The following LUZP2 variants were observed in gnomAD, a reference collection of about 807,000 sequenced individuals.
LUZP2 encodes leucine zipper protein 2.
A neutral mutation model predicts 51.6 loss-of-function variants in LUZP2; 52 were observed. The observed-to-expected ratio is 1.01, with a 90% CI of 0.81 to 1.27. The LOEUF is 1.27. Among genes scored for constraint, LUZP2 ranks in the 50% most tolerant of loss-of-function variants. The pLI is 0.00. For synonymous variants in LUZP2, 154 were observed against 137.3 expected, an observed-to-expected ratio of 1.12 and a Z score of -0.85; for missense variants, 436 against 395.4, an observed-to-expected ratio of 1.10 and a Z score of -0.87.
intron 1 of LUZP2, among the ~76,000 whole-genome samples, chr11:24,725,674 G>T (rs143286988): frequency 8.8e-4 from 134 of 152,128 alleles, no homozygotes; most frequent in African/African-American, 3.1e-3. Context: ...AACCCAGAGT[G>T]GACAAGAATC....
intron 1 of LUZP2, among the ~76,000 whole-genome samples, chr11:24,500,511 A>T (rs1381248908): frequency 6.6e-6 from 1 of 152,212 alleles, no homozygotes; most frequent in Non-Finnish European, 1.5e-5. Flanking sequence ...TTCACTTCAG[A>T]AAGAAGCAGT....
At position 25,076,754 on chromosome 11, in the gene LUZP2, ATT is replaced by A. The variant is rs67176646; in HGVS notation, c.859-565_859-564del. On this transcript the variant is annotated intron_variant, in intron 10 of 11. Coordinates refer to ENST00000336930, the MANE Select transcript of LUZP2 (RefSeq NM_001009909.4). The stretch of plus-strand genomic sequence containing the variant: ...AATCCTTTTTTTTTTTTTTTAATTT[ATT>A]TTTTTTTTTCCATTGCTAACACTTC... Among the ~76,000 whole-genome samples the A allele has an allele frequency of 2.6e-4, 34 of 131,872 alleles. 1 individual carries two copies. The South Asian group carries it at 2.6e-3, about 10-fold the overall frequency. 86.5% of individuals were successfully genotyped at this position (131,872 alleles called of 152,430 possible). A position where few individuals can be genotyped will look rare whatever the true frequency, so the allele number is the denominator to read the frequency against.
At chr11:25,071,398 T>C (rs1859154523) in intron 10 of LUZP2, among the ~76,000 whole-genome samples, 1 of 150,094 alleles carries the variant, frequency 6.7e-6, no homozygotes, top group Admixed American at 6.6e-5. Context: ...AGTATAATAA[T>C]AATAAAATTA....
chr11:24,603,281 T>A (rs2133871148), intron 1 of LUZP2, among the ~76,000 whole-genome samples: 1 of 151,974 alleles, frequency 6.6e-6, no homozygotes, highest in East Asian at 1.9e-4. Flanking sequence ...CAATGTATTA[T>A]TTCAAAACTT....
chr11:24,991,075 C>A (rs1461019991), intron 9 of LUZP2, among the ~76,000 whole-genome samples: 1 of 152,038 alleles, frequency 6.6e-6, no homozygotes, highest in Non-Finnish European at 1.5e-5. Context: ...ATCAACAGAG[C>A]AGTATACACT....
chr11:25,011,911 T>A (rs1242905823), intron 9 of LUZP2, among the ~76,000 whole-genome samples: 1 of 151,842 alleles, frequency 6.6e-6, no homozygotes, highest in Non-Finnish European at 1.5e-5. Context: ...TATATTTTAA[T>A]AACCTTACCA....
chr11:24,838,697 A>G (rs1850933756), intron 5 of LUZP2, among the ~76,000 whole-genome samples: 1 of 151,678 alleles, frequency 6.6e-6, no homozygotes, highest in African/African-American at 2.4e-5. Flanking sequence ...CAGTTTAAGT[A>G]TGTATTTATT....
At chr11:24,882,795 A>G (rs1319620476) in intron 5 of LUZP2, among the ~76,000 whole-genome samples, 8 of 114,430 alleles carry the variant, frequency 7.0e-5, no homozygotes, top group African/African-American at 1.8e-4. Flanking sequence ...AGAAAGGAAG[A>G]AAGGAAGGAA....
intron 9 of LUZP2, among the ~76,000 whole-genome samples, chr11:25,012,940 C>T (rs1020836658): frequency 2.6e-5 from 4 of 152,196 alleles, no homozygotes; most frequent in African/African-American, 9.6e-5. Context: ...ATGCAGCACT[C>T]TTCACAATAG....
chr11:24,779,703 G>A (rs180675196), intron 5 of LUZP2, among the ~76,000 whole-genome samples: 197 of 152,184 alleles, frequency 1.3e-3, no homozygotes, highest in African/African-American at 4.5e-3. Flanking sequence ...AAACTTATAA[G>A]GCAAAAATAT....
At chr11:24,606,102 G>A (rs754856864) in intron 1 of LUZP2, among the ~76,000 whole-genome samples, 12 of 151,336 alleles carry the variant, frequency 7.9e-5, no homozygotes, top group African/African-American at 1.2e-4. Flanking sequence ...ATATTTATAC[G>A]TATATATGCA....
At chr11:24,885,673 G>A (rs745762101) in intron 5 of LUZP2, among the ~76,000 whole-genome samples, 1 of 152,054 alleles carries the variant, frequency 6.6e-6, no homozygotes, top group Non-Finnish European at 1.5e-5. Context: ...ATCATCTCAT[G>A]TTTCTCATGC....
intron 1 of LUZP2, among the ~76,000 whole-genome samples, chr11:24,529,501 AC>A (rs1461483914): frequency 2.0e-5 from 3 of 150,542 alleles, no homozygotes; most frequent in Non-Finnish European, 4.5e-5. Flanking sequence ...GAGTATAAAT[AC>A]AAATATTTAG....
chr11:25,072,543 C>G (rs965409912), intron 10 of LUZP2, among the ~76,000 whole-genome samples: 2 of 152,062 alleles, frequency 1.3e-5, no homozygotes, highest in Non-Finnish European at 2.9e-5. Flanking sequence ...TTTGTGGAAG[C>G]AAAAGTTACT....
At chr11:24,882,256 G>A (rs1202459912) in intron 5 of LUZP2, among the ~76,000 whole-genome samples, 8 of 151,922 alleles carry the variant, frequency 5.3e-5, no homozygotes, top group Middle Eastern at 3.2e-3. Context: ...ATTTTTTAAA[G>A]TTCACAAGGT....
chr11:24,606,383 C>T (rs1590234082), intron 1 of LUZP2, among the ~76,000 whole-genome samples: 1 of 152,038 alleles, frequency 6.6e-6, no homozygotes, highest in East Asian at 1.9e-4. Context: ...GTAGGCTATG[C>T]TAAGCTATGA....
intron 5 of LUZP2, among the ~76,000 whole-genome samples, chr11:24,880,750 GTGTGTA>G (rs1014095633): frequency 2.6e-5 from 4 of 152,050 alleles, no homozygotes; most frequent in African/African-American, 9.7e-5. Flanking sequence ...GTGTGTGTGT[GTGTGTA>G]TGTGTATGTG....
At chr11:24,501,982 A>G (rs1375618791) in intron 1 of LUZP2, among the ~76,000 whole-genome samples, 1 of 152,158 alleles carries the variant, frequency 6.6e-6, no homozygotes, top group African/African-American at 2.4e-5. Context: ...CACACTTACT[A>G]TATGTTATTA....
chr11:24,747,721 G>A (rs916301127), intron 4 of LUZP2, among the ~76,000 whole-genome samples: 5 of 152,072 alleles, frequency 3.3e-5, no homozygotes, highest in Admixed American at 3.3e-4. Flanking sequence ...TCCTTGGGTG[G>A]GTCTTGCTGT....
Sources: allele counts gnomAD v4.1 joint callset (sites outside exome capture counted in the v4.1 genomes callset), GRCh38; gene constraint gnomAD v4.1.1; transcripts MANE v1.5; gene names NCBI Gene and HGNC (gene_info 2026-07-23, HGNC 2026-07-21).